CRYBB2: variants seen among roughly 807,000 people sequenced by gnomAD.
CRYBB2 encodes the protein crystallin beta B2, also known as beta-crystallin B2.
A neutral mutation model predicts 24.3 loss-of-function variants in CRYBB2; 12 were observed. The observed-to-expected ratio is 0.49, with a 90% confidence interval of 0.32 to 0.80. CRYBB2 has a LOEUF of 0.80. Ranked by LOEUF, CRYBB2 falls within the 30% of genes least tolerant of loss-of-function variation. The probability of loss-of-function intolerance (pLI) is 0.04; values close to 1 mark genes in which losing one functional copy is unlikely to be tolerated. For missense variants in CRYBB2, 198 were observed against 268.5 expected, an observed-to-expected ratio of 0.74 and a Z score of 1.83; for synonymous variants, 98 against 101.6, an observed-to-expected ratio of 0.96 and a Z score of 0.21.
chr22:25,228,385 A>G (rs1935461238), intron 4 of CRYBB2, among the ~76,000 whole-genome samples: 1 of 148,636 alleles, frequency 6.7e-6, no homozygotes, highest in African/African-American at 2.5e-5. Context: ...ATTGCTCAAT[A>G]ACCAATAGCC....
At chr22:25,220,771 C>T (rs1458684351) in intron 1 of CRYBB2, among the ~76,000 whole-genome samples, 1 of 152,212 alleles carries the variant, frequency 6.6e-6, no homozygotes, top group African/African-American at 2.4e-5. Flanking sequence ...ACCCTGCTGC[C>T]TGCCACAGTG....
chr22:25,218,773 G>GAAAAA (rs1398690316), upstream of CRYBB2, among the ~76,000 whole-genome samples: 2 of 32,234 alleles, frequency 6.2e-5, no homozygotes, highest in Admixed American at 3.4e-4. Flanking sequence ...GAGAGAGAGA[G>GAAAAA]AGAGAGAAGA....
In CRYBB2 at chr22:25,231,768, A is replaced by G. The variant is rs1256123832; in HGVS notation, c.614A>G (p.Asn205Ser). The G allele has an allele frequency of 6.2e-7, 1 of 1,613,652 alleles. No homozygotes were observed. The highest frequency in any genetic ancestry group is 1.3e-5 in the African/African-American group (1 of 74,798). Residue 205 changes from asparagine (N) to serine (S), a missense_variant, in exon 6 of 6, where the codon AAC (asparagine) becomes AGC (serine). Asn to Ser is a conservative substitution (Grantham distance 46). Coordinates refer to ENST00000398215, the MANE Select transcript of CRYBB2 (RefSeq NM_000496.3). ...WHQRGAFHPSN is the reference protein window; with the variant it reads ...WHQRGAFHPSS ...CAACGTGGTGCCTTCCACCCCTCCA[A>G]CTAGTGCCCTCCCCACCATGCCTCC...
At chr22:25,218,764 AGAGAGAGAGAGAG>A (rs1935243660), upstream of CRYBB2, among the ~76,000 whole-genome samples, 1 of 40,270 alleles carries the variant, frequency 2.5e-5, no homozygotes, top group Admixed American at 2.4e-4. Flanking sequence ...AGAGAGAGAG[AGAGAGAGAGAGAG>A]AGAAGAAAGA....
intron 3 of CRYBB2, among the ~76,000 whole-genome samples, chr22:25,225,390 T>G (rs1402911017): frequency 6.6e-6 from 1 of 152,170 alleles, no homozygotes; most frequent in African/African-American, 2.4e-5. Flanking sequence ...ACATAGTGAC[T>G]GATGAAGCTT....
At chr22:25,223,450 C>T (rs1935354925) in intron 2 of CRYBB2, among the ~76,000 whole-genome samples, 1 of 152,186 alleles carries the variant, frequency 6.6e-6, no homozygotes, top group African/African-American at 2.4e-5. Flanking sequence ...ATTCTTGAGT[C>T]CCCATTTGAC....
At chr22:25,215,994 TG>T (rs1935164889), upstream of CRYBB2, among the ~76,000 whole-genome samples, 1 of 152,204 alleles carries the variant, frequency 6.6e-6, no homozygotes, top group Non-Finnish European at 1.5e-5. Flanking sequence ...TAAAATGGAA[TG>T]ATCAATAAAT....
chr22:25,227,799 T>C (rs1353729188), intron 3 of CRYBB2, 54 bp from the exon 4 acceptor site: 7 of 1,612,956 alleles, frequency 4.3e-6, no homozygotes, highest in Non-Finnish European at 5.9e-6. Context: ...GATTCTGCCA[T>C]AGGAAGCTTG....
rs1360959810 is a variant in CRYBB2, at chr22:25,227,939, G to A, written c.260G>A (p.Ser87Asn). Reference sequence around the variant, plus strand: ...TACCCCCGCTGGGACTCATGGACCAGCAGCCGAAGGACGGACTCCCTCAGC... The same window carrying A: ...TACCCCCGCTGGGACTCATGGACCAACAGCCGAAGGACGGACTCCCTCAGC... ...GEYPRWDSWTSSRRTDSLSSL... is the reference protein window; with the variant it reads ...GEYPRWDSWTNSRRTDSLSSL... Residue 87 changes from serine to asparagine, a missense_variant, in exon 4 of 6, where the codon AGC (serine) becomes AAC (asparagine). Ser to Asn is a conservative substitution (Grantham distance 46, BLOSUM62 1). Coordinates refer to ENST00000398215, the MANE Select transcript of CRYBB2 (RefSeq NM_000496.3). The A allele has an allele frequency of 1.2e-6, 2 of 1,614,060 alleles. No individual in the cohort carries two copies. Among genetic ancestry groups the A allele is most frequent in the Non-Finnish European group, 1.7e-6 (2 of 1,180,040 alleles).
upstream of CRYBB2, among the ~76,000 whole-genome samples, chr22:25,218,818 G>GAAAGAAAGAAAGAAAGA (rs1569016420): frequency 5.1e-4 from 33 of 65,302 alleles, no homozygotes; most frequent in African/African-American, 2.6e-3. Flanking sequence ...AAGAAAGAAA[G>GAAAGAAAGAAAGAAAGA]AAAGAAAGAA....
chr22:25,218,443 G>A (rs952203406), upstream of CRYBB2, among the ~76,000 whole-genome samples: 3 of 151,660 alleles, frequency 2.0e-5, no homozygotes, highest in Non-Finnish European at 4.4e-5. Context: ...GATTGCCTGA[G>A]CTCAGGAGTT....
chr22:25,213,549 T>A (rs971987379), intron 1 of CRYBB2: 1 of 152,196 alleles, frequency 6.6e-6, no homozygotes, highest in Admixed American at 6.5e-5. Context: ...CATTTTGCAA[T>A]GTTGCCATCT....
intron 4 of CRYBB2, among the ~76,000 whole-genome samples, chr22:25,229,162 T>C (rs992429366): frequency 1.3e-5 from 2 of 152,146 alleles, no homozygotes; most frequent in Admixed American, 1.3e-4. Context: ...AGCCACCATT[T>C]ATAAAAGAGA....
upstream of CRYBB2, among the ~76,000 whole-genome samples, chr22:25,216,117 T>C (rs1425964210): frequency 6.6e-6 from 1 of 151,824 alleles, no homozygotes; most frequent in African/African-American, 2.4e-5. Context: ...TCTTTCTTAT[T>C]TATAAGGACA....
chr22:25,219,989 G>T (rs554371816), intron 1 of CRYBB2, among the ~76,000 whole-genome samples: 1 of 152,218 alleles, frequency 6.6e-6, no homozygotes, highest in East Asian at 1.9e-4. Flanking sequence ...TGAGGGTTTT[G>T]CAAGAATCAA....
At chr22:25,217,216 G>A (rs4822579), upstream of CRYBB2, among the ~76,000 whole-genome samples, 69,245 of 150,502 alleles carry the variant, frequency 0.46, 16,525 homozygotes, top group East Asian at 0.83. Flanking sequence ...ACTGTTTTCC[G>A]TAGTGGCAAC....
At position 25,222,969 on chromosome 22, in the gene CRYBB2, CA is replaced by C. The variant is rs542625055; in HGVS notation, c.54+1487del. On this transcript the variant is annotated intron_variant, in intron 2 of 5. Coordinates refer to ENST00000398215, the MANE Select transcript of CRYBB2 (RefSeq NM_000496.3). ...ATAATATGGACTAATTACATGTGCT[CA>C]GTAGCCATATGTTACTAATGGCTGC... Among the ~76,000 whole-genome samples the C allele has an allele frequency of 4.3e-3, 661 of 152,216 alleles. 5 individuals carry two copies. Among genetic ancestry groups the C allele is most frequent in the African/African-American group, 0.015 (622 of 41,520 alleles).
At chr22:25,220,440 T>A (rs568708021) in intron 1 of CRYBB2, among the ~76,000 whole-genome samples, 12 of 152,302 alleles carry the variant, frequency 7.9e-5, no homozygotes, top group African/African-American at 2.9e-4. Context: ...CTTCAGTCTG[T>A]GAACACTCAG....
chr22:25,221,502 AG>A lies in CRYBB2; in HGVS notation c.54+24del, dbSNP rs2146087358. The A allele has an allele frequency of 6.2e-7, 1 of 1,600,474 alleles. No homozygotes were observed. The highest frequency in any genetic ancestry group is 8.6e-7 in the Non-Finnish European group (1 of 1,167,628). On this transcript the variant is annotated intron_variant, in intron 2 of 5. Coordinates refer to ENST00000398215, the MANE Select transcript of CRYBB2 (RefSeq NM_000496.3). ...CCCCAAGGTGGGTACCTCTCAGAGG[AG>A]GGGGCATGCAATGCTCCTCCCCCAG... is the stretch of plus-strand genomic sequence containing the variant.
Sources: gnomAD v4.1 joint callset for allele counts (sites outside exome capture counted in the v4.1 genomes callset) on GRCh38, gnomAD v4.1.1 for gene constraint, MANE v1.5 for transcripts, NCBI Gene and HGNC (gene_info 2026-07-23, HGNC 2026-07-21) for gene names.